Variants in IP6K3 observed in about 807,000 individuals in gnomAD.
IP6K3 encodes ATP:1D-myo-inositol-hexakisphosphate phosphotransferase.
A neutral mutation model predicts 28.8 loss-of-function variants in IP6K3; 20 were observed. That is an observed-to-expected ratio of 0.70 (90% CI 0.49 to 1.01). The LOEUF (loss-of-function observed/expected upper bound fraction) is 1.01, where lower values mean the gene tolerates loss of function less well. Ranked by LOEUF, IP6K3 falls within the 50% of genes least tolerant of loss-of-function variation. The probability of loss-of-function intolerance (pLI) is 0.00; values close to 1 mark genes in which losing one functional copy is unlikely to be tolerated. For synonymous variants in IP6K3, 213 were observed against 221.3 expected (o/e 0.96, Z 0.33); for missense variants, 480 against 537.1 (o/e 0.89, Z 1.05).
chr6:33,738,517 T>C (rs1369760625), intron 1 of IP6K3, among the ~76,000 whole-genome samples: 2 of 148,438 alleles, frequency 1.3e-5, no homozygotes, highest in African/African-American at 2.4e-5. Flanking sequence ...GTGCTTTGTA[T>C]AGAGTAACCT....
chr6:33,726,655 C>T (rs1170863107), intron 4 of IP6K3, 76 bp downstream of exon 4: 12 of 1,418,706 alleles, frequency 8.5e-6, no homozygotes, highest in Non-Finnish European at 3.8e-6. Context: ...TGTGTTTCCT[C>T]TACCCACCTC....
At chr6:33,749,454 T>G (rs908717506), upstream of IP6K3, among the ~76,000 whole-genome samples, 1 of 151,662 alleles carries the variant, frequency 6.6e-6, no homozygotes, top group Admixed American at 6.6e-5. Context: ...CCATGGTCGT[T>G]TCCCCAAAGC....
chr6:33,743,407 T>C (rs960623385), intron 1 of IP6K3, among the ~76,000 whole-genome samples: 1 of 152,142 alleles, frequency 6.6e-6, no homozygotes, highest in Admixed American at 6.5e-5. Flanking sequence ...TACCATTCAA[T>C]GTCTTTGTGA....
intron 2 of IP6K3, among the ~76,000 whole-genome samples, chr6:33,729,458 C>G: frequency 6.6e-6 from 1 of 152,206 alleles, no homozygotes; most frequent in East Asian, 1.9e-4. Context: ...CTCCCTTGCC[C>G]TCTAGTTTCC....
At chr6:33,745,756 G>A (rs1766884111) in intron 1 of IP6K3, among the ~76,000 whole-genome samples, 1 of 152,264 alleles carries the variant, frequency 6.6e-6, no homozygotes, top group South Asian at 2.1e-4. Flanking sequence ...AGTGGACAGT[G>A]GGTTATGTGA....
rs1171983238 is a variant in IP6K3 at position 33,735,307 on chromosome 6, G to A, written c.170C>T (p.Ala57Val). ...EQRFYESLPL[A>V]MKRFTPQYKG... Reference sequence around the variant, plus strand: ...GTACTGTGGGGTGAACCGCTTCATGGCCAGCGGCAGGGATTCATAGAACCT... The same window carrying A: ...GTACTGTGGGGTGAACCGCTTCATGACCAGCGGCAGGGATTCATAGAACCT... The change falls in exon 2 of 6, where the codon GCC (alanine) becomes GTC (valine). Residue 57 changes from alanine (A) to valine (V), a missense_variant. Coordinates refer to ENST00000293756, the MANE Select transcript of IP6K3 (RefSeq NM_054111.5). 5 of 1,611,746 alleles carry A rather than the reference G, an allele frequency of 3.1e-6. No homozygotes were observed. The highest frequency in any genetic ancestry group is 4.5e-5 in the East Asian group (2 of 44,854).
rs1206315172 is a variant in IP6K3, at chr6:33,722,510, A to G, written c.*210T>C. On this transcript the variant is annotated 3_prime_UTR_variant, in exon 6 of 6. Transcript: ENST00000293756. ...GGCTGTCTGTTCTCCGATGAGCAGCATTAGAGCATAATGCCAGGGGATGTG... is the reference window on the plus strand; with the variant it reads ...GGCTGTCTGTTCTCCGATGAGCAGCGTTAGAGCATAATGCCAGGGGATGTG... 3 of 479,634 alleles carry G rather than the reference A, an allele frequency of 6.3e-6. No individual in the cohort carries two copies. Among genetic ancestry groups the G allele is most frequent in the Non-Finnish European group, 1.1e-5 (3 of 270,662 alleles). 29.7% of individuals were successfully genotyped at this position (479,634 alleles called of 1,614,324 possible).
upstream of IP6K3, among the ~76,000 whole-genome samples, chr6:33,747,675 T>C (rs73743398): frequency 1.7e-5 from 2 of 121,196 alleles, no homozygotes; most frequent in Non-Finnish European, 1.7e-5. This position sits in a 1 kb window ranked among gnomAD's most constrained non-coding sequence, Gnocchi z 5.2. Flanking sequence ...CAGAGGCAGG[T>C]GGGAGCAGGG....
upstream of IP6K3, among the ~76,000 whole-genome samples, chr6:33,751,230 A>G (rs1582236905): frequency 1.3e-5 from 2 of 152,182 alleles, no homozygotes; most frequent in East Asian, 3.9e-4. This position sits in a 1 kb window ranked among gnomAD's most constrained non-coding sequence, Gnocchi z 4.3. Context: ...GGGAGCTTCC[A>G]GCCTGGGTGT....
At chr6:33,752,743 T>A in the IP6K3 span, among the ~76,000 whole-genome samples, 1 of 152,194 alleles carries the variant, frequency 6.6e-6, no homozygotes, top group Non-Finnish European at 1.5e-5. Flanking sequence ...TCACCTGGGC[T>A]CCATTCTTCA....
the IP6K3 span, among the ~76,000 whole-genome samples, chr6:33,754,762 G>C: frequency 6.6e-6 from 1 of 152,194 alleles, no homozygotes; most frequent in African/African-American, 2.4e-5. Flanking sequence ...GAGGGCAGGG[G>C]ATGCTTGGAG....
At chr6:33,747,184 T>G (rs1328857612), upstream of IP6K3, among the ~76,000 whole-genome samples, 3 of 152,188 alleles carry the variant, frequency 2.0e-5, no homozygotes, top group Non-Finnish European at 4.4e-5. The surrounding 1 kb of genome is among the most constrained non-coding windows in gnomAD (Gnocchi z 5.2). Flanking sequence ...CCCTGGTTAT[T>G]TTTTGATTCC....
intron 1 of IP6K3, among the ~76,000 whole-genome samples, chr6:33,741,645 CAAA>C (rs11403411): frequency 0.083 from 2,419 of 28,988 alleles, 14 homozygotes; most frequent in Non-Finnish European, 0.1. Context: ...GACTCCATCT[CAAA>C]AAAAAAAAAA....
upstream of IP6K3, among the ~76,000 whole-genome samples, chr6:33,748,803 C>T (rs1766980254): frequency 6.6e-6 from 1 of 151,970 alleles, no homozygotes; most frequent in Admixed American, 6.6e-5. Flanking sequence ...GGGAAGAGCC[C>T]CACAGAAATA....
chr6:33,759,781 G>A, the IP6K3 span, among the ~76,000 whole-genome samples: 3 of 152,082 alleles, frequency 2.0e-5, no homozygotes, highest in Non-Finnish European at 4.4e-5. Context: ...GCTGAGGCAG[G>A]AGAATGGCGT....
intron 2 of IP6K3, among the ~76,000 whole-genome samples, chr6:33,730,667 AC>A (rs984349047): frequency 1.7e-4 from 26 of 152,120 alleles, no homozygotes; most frequent in African/African-American, 6.3e-4. Context: ...TTCCCTTGCT[AC>A]CACTAAGTCA....
chr6:33,725,072 A>G (rs1333912063), intron 5 of IP6K3, among the ~76,000 whole-genome samples: 2 of 151,936 alleles, frequency 1.3e-5, no homozygotes. Context: ...TACTGAAAAC[A>G]CAAAAAATTA....
chr6:33,725,228 CA>C (rs10570024), intron 5 of IP6K3, among the ~76,000 whole-genome samples: 46,405 of 116,484 alleles, frequency 0.4, 8,852 homozygotes, highest in East Asian at 0.82. Flanking sequence ...GACTCCGTCT[CA>C]AAAAAAAAAA....
chr6:33,723,277 T>C (rs1280456769), intron 5 of IP6K3, 90 bp from the exon 6 acceptor site: 1 of 838,144 alleles, frequency 1.2e-6, no homozygotes, highest in South Asian at 1.9e-5. Context: ...GCTGGGATAA[T>C]ATATGAACAG....
Sources: gnomAD v4.1 joint callset for allele counts (sites outside exome capture counted in the v4.1 genomes callset) on GRCh38, gnomAD v4.1.1 for gene constraint, Gnocchi (gnomAD v3.1) non-coding constraint, MANE v1.5 for transcripts, NCBI Gene and HGNC (gene_info 2026-07-23, HGNC 2026-07-21) for gene names.